The following NAA20 variants were observed in gnomAD, a reference collection of about 807,000 sequenced individuals.
NAA20 encodes N-alpha-acetyltransferase 20, NatB catalytic subunit.
In NAA20, 24 loss-of-function variants were observed where a neutral mutation model predicts 23.8. The observed-to-expected ratio is 1.01, with a 90% CI of 0.73 to 1.42. NAA20 has a LOEUF of 1.42. Ranked by LOEUF, NAA20 falls within the 40% of genes most tolerant of loss-of-function variation. The pLI, the probability that NAA20 is intolerant of heterozygous loss-of-function variation, is 0.00. For missense variants in NAA20, 166 were observed against 223.1 expected (o/e 0.74, Z 1.63); for synonymous variants, 83 against 77.7 (o/e 1.07, Z -0.36).
chr20:20,025,578 G>C (rs925446343), intron 2 of NAA20, 99 bp from the exon 3 acceptor site: 1 of 812,006 alleles, frequency 1.2e-6, no homozygotes, highest in Non-Finnish European at 2.1e-6. Flanking sequence ...TGGGGATAAA[G>C]TAACAGTATA....
chr20:20,022,932 GC>G (rs1397850626), intron 2 of NAA20, among the ~76,000 whole-genome samples: 3 of 152,158 alleles, frequency 2.0e-5, no homozygotes, highest in African/African-American at 7.2e-5. Context: ...TCCAGATGTT[GC>G]CACAGCAAAC....
chr20:20,026,979 C>G lies in NAA20; in HGVS notation c.305+60C>G, dbSNP rs1435721827. ...TGTGGACCCCTAACCATTTTCTTCC[C>G]CTTCAGGCTGAATAACTGTCATGCT... is the stretch of plus-strand genomic sequence containing the variant. On this transcript the variant is annotated intron_variant, in intron 4 of 5. Coordinates refer to ENST00000334982, the MANE Select transcript of NAA20 (RefSeq NM_016100.5). 3 of 1,602,272 alleles carry G rather than the reference C, an allele frequency of 1.9e-6. No homozygotes were observed. In the Admixed American group the frequency reaches 5.0e-5, roughly 27 times the overall value.
chr20:20,033,368 T>C lies in NAA20; in HGVS notation c.*181T>C, dbSNP rs2043362513. On this transcript the variant is annotated 3_prime_UTR_variant, in exon 6 of 6. Coordinates refer to ENST00000334982, the MANE Select transcript of NAA20 (RefSeq NM_016100.5). ...TGTTTCCAGTTAGCAATATCATACC[T>C]ATTAAAGCTGTTCATTGTAACAAAA... 3.8e-6 allele frequency: 2 copies of C among 525,498 alleles called. No individual in the cohort carries two copies. Among genetic ancestry groups the C allele is most frequent in the South Asian group, 3.2e-5 (1 of 31,230 alleles). 32.6% of individuals were successfully genotyped at this position (525,498 alleles called of 1,614,324 possible).
At chr20:20,021,038 C>G (rs1466083052) in intron 1 of NAA20, among the ~76,000 whole-genome samples, 746 of 58,762 alleles carry the variant, frequency 0.013, no homozygotes, top group East Asian at 0.021. Context: ...GTTCGGTGGG[C>G]GGGGGGGGGG....
chr20:20,029,598 CAG>C (rs1601131323), intron 4 of NAA20, among the ~76,000 whole-genome samples: 1 of 132,848 alleles, frequency 7.5e-6, no homozygotes, highest in South Asian at 2.5e-4. Context: ...GCCTGTGCAA[CAG>C]AGCGAGACTC....
intron 2 of NAA20, among the ~76,000 whole-genome samples, chr20:20,023,263 C>T (rs530575816): frequency 1.6e-4 from 24 of 150,378 alleles, no homozygotes; most frequent in Admixed American, 4.6e-4. Context: ...GAGCCGAGAT[C>T]GCGCCACTGC....
At chr20:20,020,200 C>G (rs981617628) in intron 1 of NAA20, among the ~76,000 whole-genome samples, 1 of 152,228 alleles carries the variant, frequency 6.6e-6, no homozygotes, top group Non-Finnish European at 1.5e-5. Flanking sequence ...TTGGGGACCC[C>G]CTCAAATCCT....
At chr20:20,022,103 G>A (rs73605566) in intron 1 of NAA20, among the ~76,000 whole-genome samples, 12,514 of 152,152 alleles carry the variant, frequency 0.082, 1,393 homozygotes, top group East Asian at 0.6. Flanking sequence ...ATGCTGCAGC[G>A]GGCGAGTTTG....
At chr20:20,031,311 A>G (rs1371409533) in intron 4 of NAA20, among the ~76,000 whole-genome samples, 1 of 152,220 alleles carries the variant, frequency 6.6e-6, no homozygotes, top group Non-Finnish European at 1.5e-5. Context: ...ATACCACAGA[A>G]GAGGCATTGC....
In NAA20 at chr20:20,017,549, G is replaced by T. The variant is rs1028932893; in HGVS notation, c.53+100G>T. The T allele has an allele frequency of 4.1e-6, 6 of 1,452,432 alleles. 1 individual carries two copies. The South Asian group carries it at 6.9e-5, about 17-fold the overall frequency. The allele number at this position is 1,452,432 out of a possible 1,614,324, so 90.0% of individuals were successfully genotyped here. ...CCGCGCCTTCCCGGCCGGACCCCAAGCCCGGACGGGGACCCGCGAGAACCA... is the reference window on the plus strand; with the variant it reads ...CCGCGCCTTCCCGGCCGGACCCCAATCCCGGACGGGGACCCGCGAGAACCA... On this transcript the variant is annotated intron_variant, in intron 1 of 5. Transcript: ENST00000334982.
chr20:20,020,385 A>G (rs1451563505), intron 1 of NAA20, among the ~76,000 whole-genome samples: 4 of 152,222 alleles, frequency 2.6e-5, no homozygotes, highest in South Asian at 2.1e-4. Context: ...AATGAGTTAC[A>G]TGAACACTGG....
chr20:20,023,676 A>T (rs1014678948), intron 2 of NAA20, among the ~76,000 whole-genome samples: 3 of 152,218 alleles, frequency 2.0e-5, no homozygotes, highest in Admixed American at 2.0e-4. Flanking sequence ...GTAATTTATC[A>T]AAAGAGGGCA....
At chr20:20,017,760 G>T in intron 1 of NAA20, 2 of 1,436,348 alleles carry the variant, frequency 1.4e-6, no homozygotes, top group South Asian at 1.5e-5. Context: ...GTCAGGAGGC[G>T]CTGGGGTGAT....
rs753488560 is a variant in NAA20 at position 20,026,867 on chromosome 20, C to T, written c.253C>T (p.Arg85Cys). 2 of 1,614,140 alleles carry T rather than the reference C, an allele frequency of 1.2e-6. No homozygotes were observed. Among genetic ancestry groups the T allele is most frequent in the Admixed American group, 1.7e-5 (1 of 60,026 alleles). The part of the protein sequence containing the change: ...TALSVAPEFR[R>C]LGLAAKLMEL... ...TCTGTCTGTTGCCCCAGAATTTCGA[C>T]GCCTTGGTTTGGCTGCTAAACTTAT... is the stretch of plus-strand genomic sequence containing the variant. Residue 85 changes from arginine to cysteine, a missense_variant, in exon 4 of 6, where the codon CGC becomes TGC. Transcript: ENST00000334982.
chr20:20,021,592 C>T (rs576484148), intron 1 of NAA20, among the ~76,000 whole-genome samples: 15 of 152,134 alleles, frequency 9.9e-5, no homozygotes, highest in South Asian at 4.2e-4. Flanking sequence ...GTAGATATTA[C>T]GCGTATAAAC....
chr20:20,019,946 A>G lies in NAA20; in HGVS notation c.53+2497A>G, dbSNP rs138939621. ...GGCATTTTGGTAGAAAACTCTGAGA[A>G]TGACTCAGATTAGATGATGCAGTTG... On this transcript the variant is annotated intron_variant, in intron 1 of 5. Transcript: ENST00000334982. Among the ~76,000 whole-genome samples, 34 of 152,342 alleles carry G rather than the reference A, an allele frequency of 2.2e-4. No individual in the cohort carries two copies. The East Asian group carries it at 6.0e-3, about 27-fold the overall frequency.
At chr20:20,018,150 C>G (rs372108039) in intron 1 of NAA20, 25 of 1,512,314 alleles carry the variant, frequency 1.7e-5, no homozygotes, top group Non-Finnish European at 2.3e-5. Context: ...GCCCAGAGCC[C>G]TGGATGCAGT....
intron 2 of NAA20, among the ~76,000 whole-genome samples, chr20:20,024,676 TCGA>T (rs1393569373): frequency 6.6e-6 from 1 of 152,000 alleles, no homozygotes; most frequent in Non-Finnish European, 1.5e-5. Flanking sequence ...GTCCTAGAGG[TCGA>T]TGGGAGGGAG....
In NAA20 at chr20:20,032,571, C is replaced by G. The variant is rs1207288036; in HGVS notation, c.369C>G (p.Tyr123Ter). Residue 123 changes from tyrosine to a stop codon, truncating the protein, a stop_gained, in exon 5 of 6, where the codon TAC (tyrosine) becomes TAG (stop). Transcript: ENST00000334982. LOFTEE classifies it high-confidence loss of function. ...CTAACCAAGTTGCAGTTAACATGTACAAGCAGTTGGGCTACAGTGTATATA... is the reference window on the plus strand; with the variant it reads ...CTAACCAAGTTGCAGTTAACATGTAGAAGCAGTTGGGCTACAGTGTATATA... ...RVSNQVAVNMYKQLGYSVYRT... is the reference protein window; with the variant it reads ...RVSNQVAVNM 1.2e-6 allele frequency: 2 copies of G among 1,613,440 alleles called. No homozygotes were observed. The highest frequency in any genetic ancestry group is 1.7e-6 in the Non-Finnish European group (2 of 1,179,760).
Sources: allele counts gnomAD v4.1 joint callset (sites outside exome capture counted in the v4.1 genomes callset), GRCh38; gene constraint gnomAD v4.1.1; transcripts MANE v1.5; gene names NCBI Gene and HGNC (gene_info 2026-07-23, HGNC 2026-07-21).